CPS1: variants seen among roughly 807,000 people sequenced by gnomAD.
CPS1 encodes the protein carbamoyl-phosphate synthase [ammonia], mitochondrial.
CPS1 carries 109 observed loss-of-function variants against 174.6 expected under a neutral mutation model. The ratio of observed to expected loss-of-function variants is 0.62; its 90% confidence interval spans 0.53 to 0.73. CPS1 has a LOEUF of 0.73. CPS1 is among the 30% of genes least tolerant of loss of function. The pLI is 0.00. For synonymous variants in CPS1, 637 were observed against 632.0 expected, an observed-to-expected ratio of 1.01 and a Z score of -0.12; for missense variants, 1,689 against 1,821.9, an observed-to-expected ratio of 0.93 and a Z score of 1.33.
intron 32 of CPS1, 87 bp downstream of exon 32, chr2:210,660,742 A>G (rs1445478628): frequency 5.4e-6 from 7 of 1,293,292 alleles, no homozygotes; most frequent in South Asian, 1.2e-5. Context: ...TGTTACTTTT[A>G]AAACCTTCTA....
At position 210,668,954 on chromosome 2, in the gene CPS1, G is replaced by A. The variant is rs547220734; in HGVS notation, c.4101+670G>A. 1.1e-4 allele frequency among the ~76,000 whole-genome samples: 16 copies of A among 152,212 alleles called. No homozygotes were observed. In the South Asian group the frequency reaches 3.3e-3, roughly 32 times the overall value. On this transcript the variant is annotated intron_variant, in intron 34 of 37. Transcript: ENST00000233072. ...CCAAGGATTCAAAGTTGAATACATT[G>A]ATGTTATTTGATTAAATTTCTCAAC...
chr2:210,533,254 A>G (rs1482429521), intron 1 of CPS1, among the ~76,000 whole-genome samples: 1 of 152,136 alleles, frequency 6.6e-6, no homozygotes, highest in East Asian at 1.9e-4. Context: ...AGATACAGTA[A>G]GGGATTTGGA....
At chr2:210,658,111 C>G in intron 30 of CPS1, 1 of 172,154 alleles carries the variant, frequency 5.8e-6, no homozygotes, top group East Asian at 1.5e-4. Flanking sequence ...AACACTGTTT[C>G]CTTCTGAACA....
At chr2:210,504,943 C>T (rs1171356406) in intron 1 of CPS1, among the ~76,000 whole-genome samples, 2 of 151,892 alleles carry the variant, frequency 1.3e-5, no homozygotes, top group Non-Finnish European at 2.9e-5. Context: ...CTCACTTCTA[C>T]ACTACTTAAA....
chr2:210,636,397 A>C lies in CPS1; in HGVS notation c.2688-1305A>C, dbSNP rs960302603. Among the ~76,000 whole-genome samples the C allele has an allele frequency of 1.2e-4, 18 of 151,220 alleles. No individual in the cohort carries two copies. The South Asian group carries it at 3.7e-3, about 31-fold the overall frequency. On this transcript the variant is annotated intron_variant, in intron 21 of 37. Coordinates refer to ENST00000233072, the MANE Select transcript of CPS1 (RefSeq NM_001875.5). ...ATTTATATTCATAAATTATATTTACATTTAATTTATAAAATATATGCATTT... is the reference window on the plus strand; with the variant it reads ...ATTTATATTCATAAATTATATTTACCTTTAATTTATAAAATATATGCATTT...
intron 9 of CPS1, among the ~76,000 whole-genome samples, chr2:210,591,123 C>T (rs1422338744): frequency 2.0e-5 from 3 of 151,704 alleles, no homozygotes; most frequent in Non-Finnish European, 4.4e-5. Flanking sequence ...AGTTGTTTGA[C>T]TACCTGATAC....
In CPS1 at chr2:210,677,923, C is replaced by T. The variant is rs138125466; in HGVS notation, c.4441C>T (p.Arg1481Cys). Residue 1481 changes from arginine (R) to cysteine (C), a missense_variant, in exon 38 of 38, where the codon CGC becomes TGC. Transcript: ENST00000233072. The part of the protein sequence containing the change: ...KLFAEAVQKS[R>C]KVDSKSLFHY... ...TTTTGCTGAAGCTGTGCAGAAATCT[C>T]GCAAGGTGGACTCCAAGAGTCTTTT... is the stretch of plus-strand genomic sequence containing the variant. 1.9e-5 allele frequency: 30 copies of T among 1,613,910 alleles called. No homozygotes were observed. The highest frequency in any genetic ancestry group is 2.5e-5 in the Non-Finnish European group (29 of 1,179,974).
chr2:210,477,825 T>A lies in CPS1; in HGVS notation c.3+59T>A, dbSNP rs1248665647. Reference sequence around the variant, plus strand: ...AAAGATGGGTGTTTGAAGGAGCAACTCACAAGAGAGAAAAGGAAAACGAGA... The same window carrying A: ...AAAGATGGGTGTTTGAAGGAGCAACACACAAGAGAGAAAAGGAAAACGAGA... On this transcript the variant is annotated intron_variant, in intron 1 of 38. Transcript: ENST00000430249. The A allele has an allele frequency of 3.2e-6, 5 of 1,584,382 alleles. No individual in the cohort carries two copies. In the African/African-American group the frequency reaches 6.7e-5, roughly 21 times the overall value.
At position 210,513,102 on chromosome 2, in the gene CPS1, GGGGATATATATATGGAGATATATATATA is replaced by G. The variant is rs1695571727; in HGVS notation, c.3+35337_3+35364del. 2.6e-5 allele frequency among the ~76,000 whole-genome samples: 3 copies of G among 114,986 alleles called. 1 individual carries two copies. The highest frequency in any genetic ancestry group is 5.7e-5 in the Non-Finnish European group (3 of 53,060). 75.4% of individuals were successfully genotyped at this position (114,986 alleles called of 152,430 possible). On this transcript the variant is annotated intron_variant, in intron 1 of 38. Coordinates refer to the CPS1 transcript ENST00000430249. ...TATATATATGGAGATACATATATATGGGGATATATATATGGAGATATATATATATGGAGATATATATATGGGGAGATAT... is the reference window on the plus strand; with the variant it reads ...TATATATATGGAGATACATATATATGTGGAGATATATATATGGGGAGATAT...
intron 1 of CPS1, among the ~76,000 whole-genome samples, chr2:210,489,923 G>A (rs185142445): frequency 0.012 from 1,819 of 150,154 alleles, 34 homozygotes; most frequent in African/African-American, 0.042. Flanking sequence ...GCGTGAACCC[G>A]GGAGGCGGAG....
intron 6 of CPS1, among the ~76,000 whole-genome samples, chr2:210,587,451 G>A (rs13385991): frequency 0.49 from 74,019 of 151,788 alleles, 18,385 homozygotes; most frequent in Middle Eastern, 0.59. Context: ...CATAGATAAT[G>A]ATTATGATAT....
In CPS1 at chr2:210,590,142, G is replaced by T. The variant is rs1465955031; in HGVS notation, c.748G>T (p.Asp250Tyr). 1.2e-6 allele frequency: 2 copies of T among 1,612,868 alleles called. No homozygotes were observed. Among genetic ancestry groups the T allele is most frequent in the Non-Finnish European group, 1.7e-6 (2 of 1,179,160 alleles). ...AEVHLVPWNH[D>Y]FTKMEYDGIL... ...AGTGCACTTAGTTCCCTGGAACCAT[G>T]ATTTCACCAAGATGGAGTATGATGG... The change falls in exon 8 of 38, where the codon GAT becomes TAT. Residue 250 changes from aspartate (D) to tyrosine (Y), a missense_variant. Physicochemically the swap from Asp to Tyr is radical, Grantham distance 160. Transcript: ENST00000233072.
chr2:210,561,286 C>T (rs907602774), intron 1 of CPS1, among the ~76,000 whole-genome samples: 1 of 152,004 alleles, frequency 6.6e-6, no homozygotes, highest in African/African-American at 2.4e-5. Context: ...AGAGTTAGGC[C>T]CTAAGCACAT....
At chr2:210,544,137 A>G (rs945429762) in intron 1 of CPS1, among the ~76,000 whole-genome samples, 4 of 152,140 alleles carry the variant, frequency 2.6e-5, no homozygotes, top group Non-Finnish European at 5.9e-5. Flanking sequence ...AGGTTATGAC[A>G]GAACCAGGGA....
chr2:210,654,131 T>C (rs780354553), intron 29 of CPS1, 29 bp downstream of exon 29: 23 of 1,574,706 alleles, frequency 1.5e-5, no homozygotes, highest in Middle Eastern at 3.3e-4. Flanking sequence ...TCTCCTTCAT[T>C]CCTGCCTTCT....
intron 1 of CPS1, among the ~76,000 whole-genome samples, chr2:210,562,423 G>A (rs1181323120): frequency 6.6e-6 from 1 of 152,124 alleles, no homozygotes. Flanking sequence ...CTGCAGAGAA[G>A]TCTCATGAAA....
chr2:210,599,908 T>C (rs1463331213), intron 14 of CPS1, among the ~76,000 whole-genome samples: 1 of 151,950 alleles, frequency 6.6e-6, no homozygotes, highest in Non-Finnish European at 1.5e-5. Context: ...ATTGGTTAAG[T>C]GCTCTTAGGT....
chr2:210,565,272 G>A (rs553069212), intron 1 of CPS1, among the ~76,000 whole-genome samples: 1 of 152,014 alleles, frequency 6.6e-6, no homozygotes, highest in African/African-American at 2.4e-5. Context: ...CTAGGCCGTA[G>A]AGACTAGTAA....
rs558428111 is a variant in CPS1, at chr2:210,600,380, T to C, written c.1550-175T>C. 1.5e-4 allele frequency among the ~76,000 whole-genome samples: 23 copies of C among 152,052 alleles called. No homozygotes were observed. In the South Asian group the frequency reaches 4.4e-3, roughly 29 times the overall value. ...TAAAAGTAGCATCAGTAACATATTT[T>C]GTCAGACCGTCTTCAGAATTTTTAT... On this transcript the variant is annotated intron_variant, in intron 14 of 37. Coordinates refer to ENST00000233072, the MANE Select transcript of CPS1 (RefSeq NM_001875.5).
Sources: allele counts gnomAD v4.1 joint callset (sites outside exome capture counted in the v4.1 genomes callset), GRCh38; gene constraint gnomAD v4.1.1; transcripts MANE v1.5; gene names NCBI Gene and HGNC (gene_info 2026-07-23, HGNC 2026-07-21).